Variants in C6orf15 observed in about 807,000 individuals in gnomAD.
C6orf15 encodes the protein uncharacterized protein C6orf15.
C6orf15 carries 5 observed loss-of-function variants against 2.8 expected under a neutral mutation model. The ratio of observed to expected loss-of-function variants is 1.80; its 90% CI spans 0.94 to 3.78. C6orf15 has a LOEUF of 3.78. Among genes scored for constraint, C6orf15 ranks in the 30% most tolerant of loss-of-function variants. The pLI, the probability that C6orf15 is intolerant of heterozygous loss-of-function variation, is 0.00. For missense variants in C6orf15, 363 were observed against 418.8 expected (o/e 0.87, Z 1.16); for synonymous variants, 145 against 163.2 (o/e 0.89, Z 0.85).
chr6:31,111,621 T>A lies in C6orf15; in HGVS notation c.738A>T (p.Pro246=), dbSNP rs1562743129. 2.5e-6 allele frequency: 4 copies of A among 1,612,884 alleles called. No homozygotes were observed. In the South Asian group the frequency reaches 4.4e-5, roughly 18 times the overall value. The change falls in exon 2 of 2, where the codon CCA becomes CCT. Residue 246 remains proline, a synonymous_variant. Coordinates refer to ENST00000259870, the MANE Select transcript of C6orf15 (RefSeq NM_014070.3). The part of the protein sequence containing the change: ...EGIWGINNQP[P]GTSWGNINRY... ...GATTAATATTTCCCCAGCTGGTACC[T>A]GGGGGTTGATTATTGATACCCCAGA... is the stretch of plus-strand genomic sequence containing the variant.
At position 31,112,504 on chromosome 6, in the gene C6orf15, A is replaced by G. The variant is rs1444043550; in HGVS notation, c.52T>C (p.Cys18Arg). ...GCCTCCATACCTGGGAGATGAAGAC[A>G]GACCAGGAGCAGGCCCAGAGGAGCG... is the stretch of plus-strand genomic sequence containing the variant. ...SCAPLGLLLV[C>R]LHLPGLFARS... Residue 18 changes from cysteine (C) to arginine (R), a missense_variant, in exon 1 of 2, where the codon TGT (cysteine) becomes CGT (arginine). Coordinates refer to ENST00000259870, the MANE Select transcript of C6orf15 (RefSeq NM_014070.3). 1 of 1,552,772 alleles carries G rather than the reference A, an allele frequency of 6.4e-7. No individual in the cohort carries two copies. The highest frequency in any genetic ancestry group is 8.7e-7 in the Non-Finnish European group (1 of 1,147,500).
chr6:31,112,272 G>C lies in C6orf15; in HGVS notation c.87C>G (p.Ile29Met). 2 of 1,611,924 alleles carry C rather than the reference G, an allele frequency of 1.2e-6. No homozygotes were observed. The highest frequency in any genetic ancestry group is 1.7e-6 in the Non-Finnish European group (2 of 1,178,840). The change falls in exon 2 of 2, where the codon ATC (isoleucine) becomes ATG (methionine). Residue 29 changes from isoleucine (I) to methionine (M), a missense_variant. Ile to Met is a conservative substitution (Grantham distance 10). Coordinates refer to ENST00000259870, the MANE Select transcript of C6orf15 (RefSeq NM_014070.3). Reference sequence around the variant, plus strand: ...GGGAAACTTTCTCCTCCACAACACCGATGCTCCGGGCAAAGAGGCCTGAGG... The same window carrying C: ...GGGAAACTTTCTCCTCCACAACACCCATGCTCCGGGCAAAGAGGCCTGAGG... Reference protein sequence around the residue: ...LHLPGLFARSIGVVEEKVSQN... With the variant: ...LHLPGLFARSMGVVEEKVSQN...
Position 31,111,464 on chromosome 6 carries a change from C to G in C6orf15, c.895G>C (p.Gly299Arg). The part of the protein sequence containing the change: ...YPGINNPFPP[G>R]VLRPPGSSWN... The stretch of plus-strand genomic sequence containing the variant: ...GAAGAGCCAGGAGGGCGGAGGACTC[C>G]AGGAGGAAATGGGTTATTGATACCT... The change falls in exon 2 of 2, where the codon GGA (glycine) becomes CGA (arginine). Residue 299 changes from glycine to arginine, a missense_variant. Transcript: ENST00000259870. 6.2e-7 allele frequency: 1 copy of G among 1,612,762 alleles called. No individual in the cohort carries two copies. Among genetic ancestry groups the G allele is most frequent in the Non-Finnish European group, 8.5e-7 (1 of 1,179,876 alleles).
chr6:31,112,063 G>A lies in C6orf15; in HGVS notation c.296C>T (p.Pro99Leu), dbSNP rs1771815639. The A allele has an allele frequency of 6.2e-7, 1 of 1,614,136 alleles. No homozygotes were observed. The highest frequency in any genetic ancestry group is 8.5e-7 in the Non-Finnish European group (1 of 1,180,006). The change falls in exon 2 of 2, where the codon CCT becomes CTT. Residue 99 changes from proline to leucine, a missense_variant. Coordinates refer to ENST00000259870, the MANE Select transcript of C6orf15 (RefSeq NM_014070.3). ...CATGGCAGGCAGCCCCCACGATGGA[G>A]GCCACCTCTGCACTGCAGAACCTCC... ...PAGGSAVQRW[P>L]PSWGLPAMDS...
chr6:31,112,472 C>T lies in C6orf15; in HGVS notation c.67+17G>A. The T allele has an allele frequency of 6.5e-7, 1 of 1,545,282 alleles. No homozygotes were observed. Among genetic ancestry groups the T allele is most frequent in the South Asian group, 1.2e-5 (1 of 83,530 alleles). ...ACCTCCAGTCCCTCCTGCCCAAGGG[C>T]ATCACGGCCTCCATACCTGGGAGAT... On this transcript the variant is annotated intron_variant, in intron 1 of 1. Transcript: ENST00000259870.
Position 31,112,488 on chromosome 6 carries a change from C to A in C6orf15, c.67+1G>T. Reference sequence around the variant, plus strand: ...GCCCAAGGGCATCACGGCCTCCATACCTGGGAGATGAAGACAGACCAGGAG... The same window carrying A: ...GCCCAAGGGCATCACGGCCTCCATAACTGGGAGATGAAGACAGACCAGGAG... On this transcript the variant is annotated splice_donor_variant, in intron 1 of 1. Coordinates refer to ENST00000259870, the MANE Select transcript of C6orf15 (RefSeq NM_014070.3). LOFTEE classifies it high-confidence loss of function. 1 of 1,552,198 alleles carries A rather than the reference C, an allele frequency of 6.4e-7. No individual in the cohort carries two copies. Among genetic ancestry groups the A allele is most frequent in the Non-Finnish European group, 8.7e-7 (1 of 1,146,952 alleles).
Position 31,111,343 on chromosome 6 carries a change from A to C in C6orf15, c.*38T>G. On this transcript the variant is annotated 3_prime_UTR_variant, in exon 2 of 2. Coordinates refer to ENST00000259870, the MANE Select transcript of C6orf15 (RefSeq NM_014070.3). The stretch of plus-strand genomic sequence containing the variant: ...CCACACAGCAAGGGGCGGGAGCAGG[A>C]CTCTAACTCCCAATGTTGGGTTTCC... 6.6e-7 allele frequency: 1 copy of C among 1,518,246 alleles called. No homozygotes were observed. The highest frequency in any genetic ancestry group is 8.9e-7 in the Non-Finnish European group (1 of 1,123,524). The allele number at this position is 1,518,246 out of a possible 1,614,324, so 94.0% of individuals were successfully genotyped here.
chr6:31,111,507 C>T lies in C6orf15; in HGVS notation c.852G>A (p.Gly284=), dbSNP rs548978054. Residue 284 remains glycine (G), a synonymous_variant, in exon 2 of 2, where the codon GGG becomes GGA. Coordinates refer to ENST00000259870, the MANE Select transcript of C6orf15 (RefSeq NM_014070.3). ...NINRYPGGSW[G]NIHLYPGINN... ...TGATACCTGGGTATAGATGAATATT[C>T]CCCCAGCTGCCTCCTGGATACCGAT... 9 of 1,605,488 alleles carry T rather than the reference C, an allele frequency of 5.6e-6. No homozygotes were observed. Among genetic ancestry groups the T allele is most frequent in the Non-Finnish European group, 7.7e-6 (9 of 1,175,092 alleles).
rs770624846 is a variant in C6orf15 at position 31,111,821 on chromosome 6, G to A, written c.538C>T (p.Arg180Cys). Reference protein sequence around the residue: ...HQDSESRRLPRSNSLGAGGKI... With the variant: ...HQDSESRRLPCSNSLGAGGKI... ...CCCCCGGCTCCCAGTGAATTAGAAC[G>A]GGGCAGTCGTCTGGACTCCGAGTCC... Residue 180 changes from arginine (R) to cysteine (C), a missense_variant, in exon 2 of 2, where the codon CGT becomes TGT. Physicochemically the swap from Arg to Cys is radical, Grantham distance 180. Coordinates refer to ENST00000259870, the MANE Select transcript of C6orf15 (RefSeq NM_014070.3). 30 of 1,612,774 alleles carry A rather than the reference G, an allele frequency of 1.9e-5. No individual in the cohort carries two copies. Among genetic ancestry groups the A allele is most frequent in the Admixed American group, 8.3e-5 (5 of 60,000 alleles).
In C6orf15 at chr6:31,111,265, C is replaced by T; in HGVS notation, c.*116G>A. ...TTTTATTGGAGATGAGCAGGGGAGG[C>T]ACTGAAAAGTGGGGATAGTGCTGGA... On this transcript the variant is annotated 3_prime_UTR_variant, in exon 2 of 2. Transcript: ENST00000259870. 1 of 871,640 alleles carries T rather than the reference C, an allele frequency of 1.1e-6. No homozygotes were observed. Among genetic ancestry groups the T allele is most frequent in the Non-Finnish European group, 1.7e-6 (1 of 577,588 alleles). The allele number at this position is 871,640 out of a possible 1,614,324, so 54.0% of individuals were successfully genotyped here. A position where few individuals can be genotyped will look rare whatever the true frequency, so the allele number is the denominator to read the frequency against.
rs1195576380 is a variant in C6orf15, at chr6:31,112,093, G to A, written c.266C>T (p.Pro89Leu). 3 of 1,613,948 alleles carry A rather than the reference G, an allele frequency of 1.9e-6. No homozygotes were observed. The highest frequency in any genetic ancestry group is 2.7e-5 in the African/African-American group (2 of 74,916). The change falls in exon 2 of 2, where the codon CCT (proline) becomes CTT (leucine). Residue 89 changes from proline to leucine, a missense_variant. Physicochemically the swap from Pro to Leu is moderately conservative, Grantham distance 98. Coordinates refer to ENST00000259870, the MANE Select transcript of C6orf15 (RefSeq NM_014070.3). ...CCTCTGCACTGCAGAACCTCCTGCA[G>A]GTGGGAAGCCATCTGATGCAGGCAC... is the stretch of plus-strand genomic sequence containing the variant. ...LSVPASDGFPPAGGSAVQRWP... is the reference protein window; with the variant it reads ...LSVPASDGFPLAGGSAVQRWP...
Position 31,111,307 on chromosome 6 carries a change from C to G in C6orf15, c.*74G>C. The G allele has an allele frequency of 1.5e-6, 2 of 1,348,196 alleles. No individual in the cohort carries two copies. The highest frequency in any genetic ancestry group is 2.0e-6 in the Non-Finnish European group (2 of 993,884). The allele number at this position is 1,348,196 out of a possible 1,614,324, so 83.5% of individuals were successfully genotyped here. A position where few individuals can be genotyped will look rare whatever the true frequency, so the allele number is the denominator to read the frequency against. On this transcript the variant is annotated 3_prime_UTR_variant, in exon 2 of 2. Coordinates refer to ENST00000259870, the MANE Select transcript of C6orf15 (RefSeq NM_014070.3). ...AGTGCTGGAAACATGCTGACAGGGC[C>G]TGGATTGAGCCCACACAGCAAGGGG...
In C6orf15 at chr6:31,111,451, G is replaced by A; in HGVS notation, c.908C>T (p.Pro303Leu). Residue 303 changes from proline (P) to leucine (L), a missense_variant, in exon 2 of 2, where the codon CCT becomes CTT. By Grantham distance (98) the Pro-to-Leu change is moderately conservative. Transcript: ENST00000259870. ...NNPFPPGVLR[P>L]PGSSWNIPAG... ...TGGGATGTTCCAAGAAGAGCCAGGA[G>A]GGCGGAGGACTCCAGGAGGAAATGG... 6.2e-7 allele frequency: 1 copy of A among 1,612,636 alleles called. No individual in the cohort carries two copies.
At position 31,111,455 on chromosome 6, in the gene C6orf15, G is replaced by T; in HGVS notation, c.904C>A (p.Arg302Ser). Reference protein sequence around the residue: ...INNPFPPGVLRPPGSSWNIPA... With the variant: ...INNPFPPGVLSPPGSSWNIPA... ...ATGTTCCAAGAAGAGCCAGGAGGGC[G>T]GAGGACTCCAGGAGGAAATGGGTTA... is the stretch of plus-strand genomic sequence containing the variant. The change falls in exon 2 of 2, where the codon CGC (arginine) becomes AGC (serine). Residue 302 changes from arginine (R) to serine (S), a missense_variant. Coordinates refer to ENST00000259870, the MANE Select transcript of C6orf15 (RefSeq NM_014070.3). 1 of 1,612,634 alleles carries T rather than the reference G, an allele frequency of 6.2e-7. No homozygotes were observed. The highest frequency in any genetic ancestry group is 8.5e-7 in the Non-Finnish European group (1 of 1,179,742).
In C6orf15 at chr6:31,111,801, G is replaced by T; in HGVS notation, c.558C>A (p.Ala186=). 6.2e-7 allele frequency: 1 copy of T among 1,612,844 alleles called. No individual in the cohort carries two copies. The highest frequency in any genetic ancestry group is 8.5e-7 in the Non-Finnish European group (1 of 1,179,926). Residue 186 remains alanine, a synonymous_variant, in exon 2 of 2, where the codon GCC becomes GCA. Coordinates refer to ENST00000259870, the MANE Select transcript of C6orf15 (RefSeq NM_014070.3). ...RRLPRSNSLG[A]GGKILSQRPP... ...GGCGTTGGGAAAGGATTTTTCCCCC[G>T]GCTCCCAGTGAATTAGAACGGGGCA...
Position 31,112,054 on chromosome 6 carries a change from C to G in C6orf15, c.305G>C (p.Trp102Ser), listed in dbSNP as rs373556899. 9.3e-6 allele frequency: 15 copies of G among 1,614,034 alleles called. No homozygotes were observed. In the African/African-American group the frequency reaches 1.5e-4, roughly 16 times the overall value. The change falls in exon 2 of 2, where the codon TGG (tryptophan) becomes TCG (serine). Residue 102 changes from tryptophan (W) to serine (S), a missense_variant. Transcript: ENST00000259870. ...CCAGGAATCCATGGCAGGCAGCCCC[C>G]ACGATGGAGGCCACCTCTGCACTGC... Reference protein sequence around the residue: ...GSAVQRWPPSWGLPAMDSWPP... With the variant: ...GSAVQRWPPSSGLPAMDSWPP...
intron 1 of C6orf15, 97 bp from the exon 2 acceptor site, chr6:31,112,388 G>A (rs1771837327): frequency 1.4e-6 from 2 of 1,450,830 alleles, no homozygotes; most frequent in Non-Finnish European, 1.9e-6. Flanking sequence ...TTTCCCTCAG[G>A]GACCTAAATG....
In C6orf15 at chr6:31,112,483, C is replaced by G; in HGVS notation, c.67+6G>C. ...CTCCTGCCCAAGGGCATCACGGCCT[C>G]CATACCTGGGAGATGAAGACAGACC... On this transcript the variant is annotated splice_donor_region_variant and intron_variant, in intron 1 of 1. Transcript: ENST00000259870. 1 of 1,551,388 alleles carries G rather than the reference C, an allele frequency of 6.4e-7. No individual in the cohort carries two copies. The highest frequency in any genetic ancestry group is 8.7e-7 in the Non-Finnish European group (1 of 1,146,576).
rs2233982 is a variant in C6orf15, at chr6:31,111,663, C to T, written c.696G>A (p.Met232Ile). 0.047 allele frequency: 75,652 copies of T among 1,611,506 alleles called. 2,721 individuals are homozygous for T. Among genetic ancestry groups the T allele is most frequent in the South Asian group, 0.1 (9,122 of 90,980 alleles). ...GPGTGWGTRPMPHPEGIWGIN... is the reference protein window; with the variant it reads ...GPGTGWGTRPIPHPEGIWGIN... ...TACCCCAGATTCCCTCAGGGTGTGG[C>T]ATGGGCCTCGTTCCCCAACCAGTCC... Residue 232 changes from methionine to isoleucine, a missense_variant, in exon 2 of 2, where the codon ATG (methionine) becomes ATA (isoleucine). Met to Ile is a conservative substitution (Grantham distance 10). Transcript: ENST00000259870.
Sources: allele counts gnomAD v4.1 joint callset, GRCh38; gene constraint gnomAD v4.1.1; transcripts MANE v1.5; gene names NCBI Gene and HGNC (gene_info 2026-07-23, HGNC 2026-07-21).